MSS51: variants seen among roughly 807,000 people sequenced by gnomAD.
The protein encoded by MSS51 is putative protein MSS51 homolog, mitochondrial.
A neutral mutation model predicts 40.2 loss-of-function variants in MSS51; 32 were observed. The ratio of observed to expected loss-of-function variants is 0.80; its 90% CI spans 0.60 to 1.07. The LOEUF (loss-of-function observed/expected upper bound fraction) is 1.07, where lower values mean the gene tolerates loss of function less well. Among genes scored for constraint, MSS51 ranks in the 50% least tolerant of loss-of-function variants. MSS51 has a pLI of 0.00. For synonymous variants in MSS51, 178 were observed against 214.2 expected (o/e 0.83, Z 1.48); for missense variants, 518 against 568.9 (o/e 0.91, Z 0.91).
chr10:73,432,623 TCA>T (rs2056036556), intron 1 of MSS51, among the ~76,000 whole-genome samples: 2 of 152,174 alleles, frequency 1.3e-5, no homozygotes, highest in Admixed American at 6.5e-5. Flanking sequence ...AGCAAAAGGA[TCA>T]CACAGTTTGA....
rs557306325 is a variant in MSS51, at chr10:73,427,875, T to C, written c.222-107A>G. The C allele has an allele frequency of 5.2e-5, 70 of 1,333,860 alleles. No homozygotes were observed. The African/African-American group carries it at 8.5e-4, about 16-fold the overall frequency. The allele number at this position is 1,333,860 out of a possible 1,614,324, so 82.6% of individuals were successfully genotyped here. ...ACACATTTCCACTTACTCCTATGTC[T>C]CCCACTGCCATCATTTTTCACTTAA... On this transcript the variant is annotated intron_variant, in intron 2 of 6. Coordinates refer to ENST00000299432, the MANE Select transcript of MSS51 (RefSeq NM_001024593.2).
Position 73,427,630 on chromosome 10 carries a change from A to G in MSS51, c.360T>C (p.Val120=). The change falls in exon 3 of 7, where the codon GTT becomes GTC. Residue 120 remains valine, a synonymous_variant. Coordinates refer to ENST00000299432, the MANE Select transcript of MSS51 (RefSeq NM_001024593.2). ...CAAGTCACCTCTTACAGTGCCGGAG[A>G]ACCTTGGAGTCTGAAAGCCCACTAG... ...ALPSGLSDSK[V]LRHCKRCRNV... 2 of 1,611,710 alleles carry G rather than the reference A, an allele frequency of 1.2e-6. No homozygotes were observed. The highest frequency in any genetic ancestry group is 2.2e-5 in the East Asian group (1 of 44,784).
At chr10:73,426,778 G>A in intron 3 of MSS51, 47 bp from the exon 4 acceptor site, 1 of 1,599,258 alleles carries the variant, frequency 6.3e-7, no homozygotes, top group Non-Finnish European at 8.5e-7. Flanking sequence ...AATATGATTG[G>A]GGTTATCGGA....
rs763831270 is a variant in MSS51, at chr10:73,425,128, T to C, written c.1133A>G (p.Tyr378Cys). The change falls in exon 6 of 7, where the codon TAT becomes TGT. Residue 378 changes from tyrosine (Y) to cysteine (C), a missense_variant. Coordinates refer to ENST00000299432, the MANE Select transcript of MSS51 (RefSeq NM_001024593.2). ...WLPTLLLLRD[Y>C]KIPTLITVYS... is the part of the protein sequence containing the mutation. The stretch of plus-strand genomic sequence containing the variant: ...AACAGTAATCAATGTAGGAATCTTA[T>C]AGTCACGAAGTAGCAGCAGGGTGGG... 1.1e-5 allele frequency: 18 copies of C among 1,611,870 alleles called. No individual in the cohort carries two copies. Among genetic ancestry groups the C allele is most frequent in the Non-Finnish European group, 1.4e-5 (17 of 1,179,360 alleles).
chr10:73,426,727 T>C lies in MSS51; in HGVS notation c.382A>G (p.Arg128Gly), dbSNP rs1564541458. The C allele has an allele frequency of 6.2e-7, 1 of 1,613,930 alleles. No individual in the cohort carries two copies. The change falls in exon 4 of 7, where the codon AGA becomes GGA. Residue 128 changes from arginine to glycine, a missense_variant. Transcript: ENST00000299432. The stretch of plus-strand genomic sequence containing the variant: ...TCTGGACCACAGTAATAGACATTTC[T>C]GCACCTGAGAGAATGAGAGAGAAAT... ...SKVLRHCKRC[R>G]NVYYCGPECQ...
Position 73,426,597 on chromosome 10 carries a change from AC to A in MSS51, c.502+9del. The A allele has an allele frequency of 1.2e-6, 2 of 1,613,902 alleles. No homozygotes were observed. Among genetic ancestry groups the A allele is most frequent in the Non-Finnish European group, 1.7e-6 (2 of 1,179,978 alleles). On this transcript the variant is annotated intron_variant, in intron 4 of 6. Transcript: ENST00000299432. ...CATTATGGCAGAGATCCTCAACACCACCACTCCACCTGTGACCAGAAGCCAT... is the reference window on the plus strand; with the variant it reads ...CATTATGGCAGAGATCCTCAACACCACACTCCACCTGTGACCAGAAGCCAT...
intron 1 of MSS51, among the ~76,000 whole-genome samples, chr10:73,430,797 C>T (rs2132725414): frequency 6.6e-6 from 1 of 152,124 alleles, no homozygotes; most frequent in Non-Finnish European, 1.5e-5. Flanking sequence ...AAAACAGATA[C>T]TCAAACAAAT....
chr10:73,425,619 G>A (rs12773984), intron 5 of MSS51, among the ~76,000 whole-genome samples, 192 bp downstream of exon 5: 270 of 145,054 alleles, frequency 1.9e-3, no homozygotes, highest in Non-Finnish European at 1.7e-3. Flanking sequence ...CCGAGATCGC[G>A]CCACTGCACT....
At chr10:73,424,972 AG>A (rs1292598256) in intron 6 of MSS51, 125 bp downstream of exon 6, 2 of 845,692 alleles carry the variant, frequency 2.4e-6, no homozygotes, top group Non-Finnish European at 3.9e-6. Flanking sequence ...GGGATAAAAA[AG>A]CCATATGCGG....
intron 6 of MSS51, 59 bp from the exon 7 acceptor site, chr10:73,424,831 C>T: frequency 7.1e-7 from 1 of 1,399,422 alleles, no homozygotes; most frequent in South Asian, 1.2e-5. Context: ...AAAGGAAAAA[C>T]TGCCCAAGAG....
intron 3 of MSS51, 100 bp downstream of exon 3, chr10:73,427,513 C>T: frequency 7.5e-7 from 1 of 1,324,712 alleles, no homozygotes. Flanking sequence ...ATCCACCTGC[C>T]TCGGCCTCCC....
At chr10:73,430,157 A>AT (rs2056017765) in intron 1 of MSS51, among the ~76,000 whole-genome samples, 1 of 152,246 alleles carries the variant, frequency 6.6e-6, no homozygotes, top group Admixed American at 6.5e-5. Flanking sequence ...AAGTAAAACT[A>AT]TAAAAGTCTA....
At position 73,424,670 on chromosome 10, in the gene MSS51, G is replaced by C; in HGVS notation, c.1266C>G (p.Val422=). The stretch of plus-strand genomic sequence containing the variant: ...CTGGCTGCTTGTTGGGACTGGAATA[G>C]ACCTGTTCAGGTTTGAGGGACATGA... The part of the protein sequence containing the change: ...NPFMSLKPEQ[V]YSSPNKQPVY... The change falls in exon 7 of 7, where the codon GTC becomes GTG. Residue 422 remains valine, a synonymous_variant. Transcript: ENST00000299432. 1 of 1,614,062 alleles carries C rather than the reference G, an allele frequency of 6.2e-7. No individual in the cohort carries two copies. The highest frequency in any genetic ancestry group is 8.5e-7 in the Non-Finnish European group (1 of 1,179,936).
At chr10:73,429,351 T>C (rs963479660) in intron 1 of MSS51, among the ~76,000 whole-genome samples, 3 of 152,220 alleles carry the variant, frequency 2.0e-5, no homozygotes, top group African/African-American at 7.2e-5. Flanking sequence ...AATATAGCTT[T>C]AATGTATTTT....
intron 5 of MSS51, 134 bp downstream of exon 5, chr10:73,425,675 GAA>G (rs796687340): frequency 1.7e-4 from 87 of 512,754 alleles, no homozygotes; most frequent in South Asian, 2.4e-4. Flanking sequence ...AAAAAAAAAA[GAA>G]AAAAAAAAAA....
intron 1 of MSS51, 134 bp downstream of exon 1, chr10:73,433,379 G>T (rs1244562745): frequency 1.3e-5 from 2 of 152,156 alleles, no homozygotes; most frequent in Non-Finnish European, 2.9e-5. Context: ...AAGAGAAGGA[G>T]AAATACATTA....
Position 73,425,108 on chromosome 10 carries a change from T to C in MSS51, c.1153A>G (p.Thr385Ala). 3 of 1,611,904 alleles carry C rather than the reference T, an allele frequency of 1.9e-6. No homozygotes were observed. The highest frequency in any genetic ancestry group is 2.5e-6 in the Non-Finnish European group (3 of 1,178,440). ...LRDYKIPTLI[T>A]VYSHQELVSS... The stretch of plus-strand genomic sequence containing the variant: ...GGATGAGGTCAAAACCTGTAAACAG[T>C]AATCAATGTAGGAATCTTATAGTCA... The change falls in exon 6 of 7, where the codon ACT becomes GCT. Residue 385 changes from threonine to alanine, a missense_variant. Physicochemically the swap from Thr to Ala is moderately conservative, Grantham distance 58. Coordinates refer to ENST00000299432, the MANE Select transcript of MSS51 (RefSeq NM_001024593.2).
At position 73,424,979 on chromosome 10, in the gene MSS51, T is replaced by C. The variant is rs574472768; in HGVS notation, c.1163+119A>G. Reference sequence around the variant, plus strand: ...GTTCCAAGGGGATAAAAAAGCCATATGCGGAAAAGAACATCCTCACCAGAA... The same window carrying C: ...GTTCCAAGGGGATAAAAAAGCCATACGCGGAAAAGAACATCCTCACCAGAA... On this transcript the variant is annotated intron_variant, in intron 6 of 6. Coordinates refer to ENST00000299432, the MANE Select transcript of MSS51 (RefSeq NM_001024593.2). 8.1e-6 allele frequency: 7 copies of C among 863,866 alleles called. No individual in the cohort carries two copies. The East Asian group carries it at 1.2e-4, about 15-fold the overall frequency. 53.5% of individuals were successfully genotyped at this position (863,866 alleles called of 1,614,324 possible).
intron 1 of MSS51, among the ~76,000 whole-genome samples, chr10:73,430,691 C>T (rs2056022073): frequency 6.6e-6 from 1 of 151,708 alleles, no homozygotes; most frequent in African/African-American, 2.4e-5. Flanking sequence ...ATGGTGCCAC[C>T]ACCATAGAAA....
Sources: allele counts gnomAD v4.1 joint callset (sites outside exome capture counted in the v4.1 genomes callset), GRCh38; gene constraint gnomAD v4.1.1; transcripts MANE v1.5; gene names NCBI Gene and HGNC (gene_info 2026-07-23, HGNC 2026-07-21).